Variants in KCNJ6 observed in about 807,000 individuals in gnomAD.
KCNJ6 encodes potassium inwardly rectifying channel subfamily J member 6, also known as G protein-activated inward rectifier potassium channel 2.
Under a neutral mutation model 34.2 loss-of-function variants are expected in KCNJ6, and 9 were observed. The observed-to-expected ratio is 0.26, with a 90% confidence interval of 0.16 to 0.46. The LOEUF is 0.46. Among genes scored for constraint, KCNJ6 ranks in the 20% least tolerant of loss-of-function variants. The pLI is 1.00. For missense variants in KCNJ6, 236 were observed against 531.3 expected, an observed-to-expected ratio of 0.44 and a Z score of 5.46; for synonymous variants, 196 against 207.1, an observed-to-expected ratio of 0.95 and a Z score of 0.46.
At chr21:37,810,367 T>C (rs2835980) in intron 2 of KCNJ6, among the ~76,000 whole-genome samples, 49,374 of 152,118 alleles carry the variant, frequency 0.32, 9,196 homozygotes, top group South Asian at 0.4. Context: ...TGCATACATC[T>C]CTTGGTGCAA....
Position 37,618,060 on chromosome 21 carries a change from C to T in KCNJ6, c.*7099G>A, listed in dbSNP as rs746651822. On this transcript the variant is annotated 3_prime_UTR_variant, in exon 4 of 4. Transcript: ENST00000609713. Reference sequence around the variant, plus strand: ...GCATGGCTGAGGATTTTGTTCTGCCCAAGTCTGAGCTACGGGAGGGTATTT... The same window carrying T: ...GCATGGCTGAGGATTTTGTTCTGCCTAAGTCTGAGCTACGGGAGGGTATTT... 6.6e-6 allele frequency: 1 copy of T among 152,274 alleles called. No homozygotes were observed. The highest frequency in any genetic ancestry group is 1.5e-5 in the Non-Finnish European group (1 of 68,108). 9.4% of individuals were successfully genotyped at this position (152,274 alleles called of 1,614,324 possible). A position where few individuals can be genotyped will look rare whatever the true frequency, so the allele number is the denominator to read the frequency against.
intron 3 of KCNJ6, among the ~76,000 whole-genome samples, chr21:37,644,966 G>A (rs2054397069): frequency 6.6e-6 from 1 of 150,842 alleles, no homozygotes; most frequent in Non-Finnish European, 1.5e-5. Context: ...GAGGGCTGAT[G>A]AGCAAGGGAA....
At chr21:37,668,612 G>A (rs926070003) in intron 3 of KCNJ6, among the ~76,000 whole-genome samples, 2 of 152,126 alleles carry the variant, frequency 1.3e-5, no homozygotes, top group African/African-American at 2.4e-5. Context: ...GATACACCTC[G>A]GCCCACAGCA....
At chr21:37,850,053 C>G (rs1000860731) in intron 1 of KCNJ6, among the ~76,000 whole-genome samples, 2 of 152,198 alleles carry the variant, frequency 1.3e-5, no homozygotes, top group African/African-American at 4.8e-5. Flanking sequence ...ATTTCTGCCC[C>G]AGAAAGTAGT....
At chr21:37,668,996 A>G (rs982749111) in intron 3 of KCNJ6, among the ~76,000 whole-genome samples, 5 of 152,154 alleles carry the variant, frequency 3.3e-5, no homozygotes, top group African/African-American at 1.2e-4. Context: ...AGAGATTAGC[A>G]CCTTTAAAAG....
intron 1 of KCNJ6, among the ~76,000 whole-genome samples, chr21:37,846,001 G>C (rs1053485544): frequency 6.6e-6 from 1 of 152,012 alleles, no homozygotes. Context: ...TGATATATTT[G>C]AGTAAAACAT....
chr21:37,892,170 CT>C (rs1350845384), intron 1 of KCNJ6, among the ~76,000 whole-genome samples: 3 of 152,110 alleles, frequency 2.0e-5, no homozygotes, highest in African/African-American at 7.2e-5. Context: ...TTTAATCAGT[CT>C]AGGGTTTTAG....
At chr21:37,792,730 A>T (rs983877636) in intron 2 of KCNJ6, among the ~76,000 whole-genome samples, 4 of 152,130 alleles carry the variant, frequency 2.6e-5, no homozygotes, top group Admixed American at 1.3e-4. Context: ...TAGGGAGCAG[A>T]TCTCTGTGAC....
chr21:37,633,132 A>C (rs531161644), intron 3 of KCNJ6, among the ~76,000 whole-genome samples: 4 of 152,164 alleles, frequency 2.6e-5, no homozygotes, highest in Non-Finnish European at 5.9e-5. Flanking sequence ...TTTAGAAAAA[A>C]AGACACCATG....
At chr21:37,723,783 C>T (rs796954105) in intron 2 of KCNJ6, among the ~76,000 whole-genome samples, 13 of 152,222 alleles carry the variant, frequency 8.5e-5, no homozygotes, top group African/African-American at 2.9e-4. Flanking sequence ...GAGGGACGGG[C>T]TCAAGGGTTG....
At chr21:37,660,518 C>A (rs758257174) in intron 3 of KCNJ6, among the ~76,000 whole-genome samples, 1 of 152,166 alleles carries the variant, frequency 6.6e-6, no homozygotes, top group Non-Finnish European at 1.5e-5. Context: ...CCTTTAATGA[C>A]CTTGCCCCTT....
chr21:37,850,739 G>A (rs1383078615), intron 1 of KCNJ6, among the ~76,000 whole-genome samples: 4 of 152,130 alleles, frequency 2.6e-5, no homozygotes, highest in Non-Finnish European at 4.4e-5. Flanking sequence ...AATGGCTTAC[G>A]TTTGTCTAAT....
chr21:37,635,050 A>G (rs2054351336), intron 3 of KCNJ6, among the ~76,000 whole-genome samples: 1 of 151,812 alleles, frequency 6.6e-6, no homozygotes, highest in Non-Finnish European at 1.5e-5. Context: ...GCCACCATGC[A>G]CAGCCAAATC....
At chr21:37,762,244 G>C (rs1014602278) in intron 2 of KCNJ6, among the ~76,000 whole-genome samples, 6 of 152,152 alleles carry the variant, frequency 3.9e-5, no homozygotes, top group Non-Finnish European at 5.9e-5. Flanking sequence ...GGGTGTCCCC[G>C]CACTTAGCAT....
rs1237699666 is a variant in KCNJ6, at chr21:37,675,913, T to C, written c.946+38298A>G. ...GTGGGGTGCGCCGACCCTGCTGCGC[T>C]TGTCAGCTTCTCTAACTGTGGCTTG... On this transcript the variant is annotated intron_variant, in intron 3 of 3. Transcript: ENST00000609713. This position sits in a 1 kb window ranked among gnomAD's most constrained non-coding sequence, Gnocchi z 4.2. Among the ~76,000 whole-genome samples, 3 of 152,220 alleles carry C rather than the reference T, an allele frequency of 2.0e-5. No homozygotes were observed. The highest frequency in any genetic ancestry group is 7.2e-5 in the African/African-American group (3 of 41,468).
At chr21:37,796,719 A>G (rs1422918229) in intron 2 of KCNJ6, among the ~76,000 whole-genome samples, 1 of 150,114 alleles carries the variant, frequency 6.7e-6, no homozygotes, top group African/African-American at 2.5e-5. Context: ...TTATTTGTCA[A>G]TACAGTTGCA....
At chr21:37,746,268 G>A (rs1386566068) in intron 2 of KCNJ6, among the ~76,000 whole-genome samples, 1 of 152,186 alleles carries the variant, frequency 6.6e-6, no homozygotes, top group Non-Finnish European at 1.5e-5. Flanking sequence ...GTGGGAGCGG[G>A]TTAAGGAAAG....
intron 1 of KCNJ6, among the ~76,000 whole-genome samples, chr21:37,894,249 C>G (rs1266674496): frequency 6.6e-6 from 1 of 152,178 alleles, no homozygotes; most frequent in Non-Finnish European, 1.5e-5. Flanking sequence ...AGGGAGCTTG[C>G]TGGAAAATGC....
chr21:37,617,400 T>C lies in KCNJ6; in HGVS notation c.*7759A>G, dbSNP rs1357659338. On this transcript the variant is annotated 3_prime_UTR_variant, in exon 4 of 4. Coordinates refer to ENST00000609713, the MANE Select transcript of KCNJ6 (RefSeq NM_002240.5). ...TGCCCAGCTAACTTTTTCATATTTTTAGTAGAGGCGGGGTATTACCATATT... is the reference window on the plus strand; with the variant it reads ...TGCCCAGCTAACTTTTTCATATTTTCAGTAGAGGCGGGGTATTACCATATT... 1 of 152,150 alleles carries C rather than the reference T, an allele frequency of 6.6e-6. No individual in the cohort carries two copies. Among genetic ancestry groups the C allele is most frequent in the Non-Finnish European group, 1.5e-5 (1 of 68,072 alleles). The allele number at this position is 152,150 out of a possible 1,614,324, so 9.4% of individuals were successfully genotyped here.
Sources: gnomAD v4.1 joint callset for allele counts (sites outside exome capture counted in the v4.1 genomes callset) on GRCh38, gnomAD v4.1.1 for gene constraint, Gnocchi (gnomAD v3.1) non-coding constraint, MANE v1.5 for transcripts, NCBI Gene and HGNC (gene_info 2026-07-23, HGNC 2026-07-21) for gene names.